Variants in NOS2 observed in about 807,000 individuals in gnomAD.
NOS2 encodes nitric oxide synthase 2, also known as nitric oxide synthase, inducible.
Under a neutral mutation model 136.0 loss-of-function variants are expected in NOS2, and 96 were observed. The ratio of observed to expected loss-of-function variants is 0.71; its 90% confidence interval spans 0.60 to 0.84. The LOEUF (loss-of-function observed/expected upper bound fraction) is 0.84. Among genes scored for constraint, NOS2 ranks in the 40% least tolerant of loss-of-function variants. The pLI is 0.00. For missense variants in NOS2, 1,237 were observed against 1,496.9 expected, an observed-to-expected ratio of 0.83 and a Z score of 2.87; for synonymous variants, 539 against 587.5, an observed-to-expected ratio of 0.92 and a Z score of 1.20.
intron 25 of NOS2, among the ~76,000 whole-genome samples, 179 bp downstream of exon 25, chr17:27,759,851 C>A (rs1161432982): frequency 6.6e-6 from 1 of 152,176 alleles, no homozygotes; most frequent in Non-Finnish European, 1.5e-5. Context: ...CCAGGTCTGT[C>A]GCTTCTGCTG....
rs1487331516 is a variant in NOS2, at chr17:27,778,741, C to T, written c.1230G>A (p.Trp410Ter). The stretch of plus-strand genomic sequence containing the variant: ...TGATCTCAACGACAGCCTGGTCTTT[C>T]CAGAGCGAGGCCAGCTTGTGCGTTT... The part of the protein sequence containing the change: ...GLETHKLASL[W>*]KDQAVVEINI... Residue 410 changes from tryptophan to a stop codon, truncating the protein, a stop_gained, in exon 11 of 27, where the codon TGG becomes TGA. Coordinates refer to ENST00000313735, the MANE Select transcript of NOS2 (RefSeq NM_000625.4). LOFTEE classifies it high-confidence loss of function. 3 of 1,614,100 alleles carry T rather than the reference C, an allele frequency of 1.9e-6. No homozygotes were observed. The highest frequency in any genetic ancestry group is 1.1e-5 in the South Asian group (1 of 91,090).
chr17:27,792,753 C>A (rs1328842467), intron 2 of NOS2, among the ~76,000 whole-genome samples: 3 of 129,326 alleles, frequency 2.3e-5, no homozygotes, highest in African/African-American at 6.0e-5. Context: ...CCGAGGTGGG[C>A]GGATCACTCG....
rs528601470 is a variant in NOS2 at position 27,781,157 on chromosome 17, G to C, written c.743C>G (p.Pro248Arg). ...GNIRSAITVFPQRSDGKHDFR... is the reference protein window; with the variant it reads ...GNIRSAITVFRQRSDGKHDFR... ...GTCGTGCTTGCCATCACTCCGCTGG[G>C]GGAACACGGTGATGGCCGACCTTCC... Residue 248 changes from proline to arginine, a missense_variant, in exon 8 of 27, where the codon CCC becomes CGC. Physicochemically the swap from Pro to Arg is moderately radical, Grantham distance 103. Transcript: ENST00000313735. 6.2e-7 allele frequency: 1 copy of C among 1,609,650 alleles called. No homozygotes were observed. Among genetic ancestry groups the C allele is most frequent in the Admixed American group, 1.7e-5 (1 of 60,020 alleles).
chr17:27,786,392 C>T (rs1909026666), intron 5 of NOS2, among the ~76,000 whole-genome samples: 1 of 152,200 alleles, frequency 6.6e-6, no homozygotes, highest in African/African-American at 2.4e-5. Flanking sequence ...TGCCACTGCA[C>T]TCCAGCCTGG....
At chr17:27,780,639 C>A in intron 9 of NOS2, 128 bp downstream of exon 9, 2 of 1,197,868 alleles carry the variant, frequency 1.7e-6, no homozygotes, top group Non-Finnish European at 2.4e-6. Flanking sequence ...TGAAGGCCAG[C>A]CCCCTGAGTG....
At chr17:27,787,567 C>G (rs1351257121) in intron 5 of NOS2, 111 bp downstream of exon 5, 84 of 885,838 alleles carry the variant, frequency 9.5e-5, no homozygotes, top group Non-Finnish European at 1.0e-5. Context: ...TGATTTAACA[C>G]CACAAATCTG....
Position 27,782,984 on chromosome 17 carries a change from G to T in NOS2, c.590C>A (p.Ala197Asp). Residue 197 changes from alanine (A) to aspartate (D), a missense_variant, in exon 6 of 27, where the codon GCC becomes GAC. This residue lies in a region of NOS2 where 440 missense variants were observed against 545.4 expected (regional missense o/e 0.81). Transcript: ENST00000313735. ...CTGGATCCTCCCAATGCAGCGTGGG[G>T]CATTGCGCCAGGCCTGCTTGGTGGC... ...IFATKQAWRN[A>D]PRCIGRIQWS... is the part of the protein sequence containing the mutation. 1.2e-6 allele frequency: 2 copies of T among 1,614,190 alleles called. No individual in the cohort carries two copies. Among genetic ancestry groups the T allele is most frequent in the Non-Finnish European group, 1.7e-6 (2 of 1,180,044 alleles).
intron 15 of NOS2, 88 bp downstream of exon 15, chr17:27,770,825 C>A: frequency 1.1e-6 from 1 of 929,326 alleles, no homozygotes; most frequent in Non-Finnish European, 1.7e-6. Flanking sequence ...AAATGTCCTC[C>A]GTAGGACCTG....
At chr17:27,796,436 C>T (rs1909358259) in intron 2 of NOS2, among the ~76,000 whole-genome samples, 1 of 151,892 alleles carries the variant, frequency 6.6e-6, no homozygotes, top group African/African-American at 2.4e-5. Context: ...GTCTGGGCAA[C>T]AGAGTGAGAC....
At chr17:27,777,869 A>T (rs1407416485) in intron 11 of NOS2, among the ~76,000 whole-genome samples, 1 of 151,962 alleles carries the variant, frequency 6.6e-6, no homozygotes, top group African/African-American at 2.4e-5. Context: ...ACATGGAAAA[A>T]CACCATCTCT....
intron 11 of NOS2, among the ~76,000 whole-genome samples, chr17:27,774,884 C>T (rs1330970180): frequency 6.6e-6 from 1 of 152,228 alleles, no homozygotes; most frequent in Non-Finnish European, 1.5e-5. Flanking sequence ...GTAGCCTCCT[C>T]AGCCAAGAAG....
intron 11 of NOS2, 101 bp from the exon 12 acceptor site, chr17:27,774,552 G>A: frequency 4.7e-6 from 4 of 848,318 alleles, no homozygotes; most frequent in Admixed American, 3.3e-5. Context: ...GGAAGGCCTG[G>A]CAATCTGTAA....
chr17:27,790,252 C>G (rs1741259283), intron 2 of NOS2, among the ~76,000 whole-genome samples: 1 of 152,198 alleles, frequency 6.6e-6, no homozygotes. Flanking sequence ...CACCACCACA[C>G]CTGGCTAATT....
intron 2 of NOS2, among the ~76,000 whole-genome samples, chr17:27,791,792 C>CAAA (rs1426901477): frequency 8.4e-6 from 1 of 118,580 alleles, no homozygotes; most frequent in Non-Finnish European, 1.9e-5. Context: ...CAAAACAAAA[C>CAAA]AAAACAAAAC....
chr17:27,788,035 G>A (rs1007579353), intron 4 of NOS2, among the ~76,000 whole-genome samples: 1 of 152,126 alleles, frequency 6.6e-6, no homozygotes, highest in Non-Finnish European at 1.5e-5. Flanking sequence ...CCCAGTGGGT[G>A]TGAGTCAGGT....
rs145383683 is a variant in NOS2 at position 27,760,080 on chromosome 17, C to G, written c.3109G>C (p.Val1037Leu). 2,693 of 1,600,514 alleles carry G rather than the reference C, an allele frequency of 1.7e-3. 10 individuals carry two copies. Among genetic ancestry groups the G allele is most frequent in the South Asian group, 2.1e-3 (191 of 89,340 alleles). ...TAGGCTGTGTGCACCGCATGCAGCACCCCCTTCTGGGCCATCTCCAGCATC... is the reference window on the plus strand; with the variant it reads ...TAGGCTGTGTGCACCGCATGCAGCAGCCCCTTCTGGGCCATCTCCAGCATC... ...EEMLEMAQKGVLHAVHTAYSR... is the reference protein window; with the variant it reads ...EEMLEMAQKGLLHAVHTAYSR... The change falls in exon 25 of 27, where the codon GTG becomes CTG. Residue 1037 changes from valine to leucine, a missense_variant. By Grantham distance (32) the Val-to-Leu change is conservative. This residue lies in a region of NOS2 where 782 missense variants were observed against 909.9 expected (regional missense o/e 0.86). Coordinates refer to ENST00000313735, the MANE Select transcript of NOS2 (RefSeq NM_000625.4).
intron 2 of NOS2, among the ~76,000 whole-genome samples, chr17:27,792,226 A>C (rs1211913462): frequency 6.6e-6 from 1 of 152,226 alleles, no homozygotes; most frequent in Non-Finnish European, 1.5e-5. Context: ...TTTTGCCCTC[A>C]TATAAATAAT....
chr17:27,773,462 A>T (rs541487569), intron 12 of NOS2, among the ~76,000 whole-genome samples: 7 of 152,206 alleles, frequency 4.6e-5, no homozygotes, highest in African/African-American at 1.7e-4. Context: ...CTGCACATCG[A>T]GGGGGGGCGG....
At chr17:27,776,030 GAGGC>G (rs1908646981) in intron 11 of NOS2, among the ~76,000 whole-genome samples, 1 of 152,188 alleles carries the variant, frequency 6.6e-6, no homozygotes, top group Non-Finnish European at 1.5e-5. Flanking sequence ...AACTCTGATG[GAGGC>G]AGGCAAAGGT....
Sources: allele counts gnomAD v4.1 joint callset (sites outside exome capture counted in the v4.1 genomes callset), GRCh38; gene constraint gnomAD v4.1.1; regional missense constraint gnomAD v4.1.1; transcripts MANE v1.5; gene names NCBI Gene and HGNC (gene_info 2026-07-23, HGNC 2026-07-21).